NRCAM: variants seen among roughly 807,000 people sequenced by gnomAD.
NRCAM encodes the protein NgCAM-related cell adhesion molecule.
Under a neutral mutation model 156.5 loss-of-function variants are expected in NRCAM, and 83 were observed. The ratio of observed to expected loss-of-function variants is 0.53; its 90% CI spans 0.44 to 0.64. NRCAM has a LOEUF of 0.64. Ranked by LOEUF, NRCAM falls within the 30% of genes least tolerant of loss-of-function variation. The pLI, the probability that NRCAM is intolerant of heterozygous loss-of-function variation, is 0.00. For synonymous variants in NRCAM, 538 were observed against 563.9 expected (o/e 0.95, Z 0.65); for missense variants, 1,417 against 1,597.3 (o/e 0.89, Z 1.92).
At chr7:108,294,033 T>C (rs941302088) in intron 3 of NRCAM, among the ~76,000 whole-genome samples, 2 of 152,086 alleles carry the variant, frequency 1.3e-5, no homozygotes, top group Admixed American at 1.3e-4. Context: ...GTTCTGCTAA[T>C]TGGAGGTACT....
intron 32 of NRCAM, chr7:108,156,608 G>A (rs2045637808): frequency 6.4e-6 from 1 of 156,382 alleles, no homozygotes; most frequent in Admixed American, 6.6e-5. Flanking sequence ...ATATCATCTG[G>A]CTTAGAGCCA....
chr7:108,330,383 G>A (rs1274226708), intron 2 of NRCAM, among the ~76,000 whole-genome samples: 5 of 152,128 alleles, frequency 3.3e-5, no homozygotes, highest in Admixed American at 6.6e-5. Context: ...GAGGAGAGAC[G>A]AGTCTTGATT....
chr7:108,223,628 A>G, intron 11 of NRCAM, 97 bp downstream of exon 11: 2 of 551,400 alleles, frequency 3.6e-6, no homozygotes, highest in Admixed American at 3.4e-5. Context: ...GAATTAGTAG[A>G]AGACAATGAC....
At chr7:108,299,130 G>A (rs1015450532) in intron 3 of NRCAM, among the ~76,000 whole-genome samples, 18 of 77,130 alleles carry the variant, frequency 2.3e-4, no homozygotes, top group Middle Eastern at 6.3e-3. Flanking sequence ...AAGAAAGAAA[G>A]AAAGAAAGAA....
At chr7:108,366,758 G>A (rs1404701691) in intron 2 of NRCAM, among the ~76,000 whole-genome samples, 11 of 152,180 alleles carry the variant, frequency 7.2e-5, no homozygotes, top group Non-Finnish European at 5.9e-5. Flanking sequence ...CAAGCTAATT[G>A]TCCAAGATTG....
chr7:108,234,382 G>A (rs897709942), intron 6 of NRCAM, among the ~76,000 whole-genome samples: 38 of 150,742 alleles, frequency 2.5e-4, no homozygotes, highest in African/African-American at 9.2e-4. Context: ...GTTACCTTCA[G>A]TATCTTTGAA....
chr7:108,307,877 C>T (rs2154172465), intron 3 of NRCAM, among the ~76,000 whole-genome samples: 1 of 152,222 alleles, frequency 6.6e-6, no homozygotes, highest in East Asian at 1.9e-4. Context: ...TGGCCAGATG[C>T]TGGAAGGAAG....
At chr7:108,218,102 C>G (rs1192850447) in intron 11 of NRCAM, among the ~76,000 whole-genome samples, 1 of 150,750 alleles carries the variant, frequency 6.6e-6, no homozygotes, top group Non-Finnish European at 1.5e-5. Context: ...ATGGGCAAAG[C>G]ATACTATCTG....
intron 3 of NRCAM, among the ~76,000 whole-genome samples, chr7:108,258,396 A>G (rs976681201): frequency 1.3e-5 from 2 of 151,506 alleles, no homozygotes; most frequent in Admixed American, 1.3e-4. Flanking sequence ...GCCACCCTTC[A>G]TTTTTCTGAC....
intron 2 of NRCAM, among the ~76,000 whole-genome samples, chr7:108,370,932 T>C (rs1345775089): frequency 6.6e-6 from 1 of 152,174 alleles, no homozygotes; most frequent in Non-Finnish European, 1.5e-5. Flanking sequence ...CCTCCAAAAT[T>C]TGCTCATTTT....
At chr7:108,283,379 A>G (rs1303043118) in intron 3 of NRCAM, among the ~76,000 whole-genome samples, 1 of 152,236 alleles carries the variant, frequency 6.6e-6, no homozygotes, top group Non-Finnish European at 1.5e-5. Context: ...ACAGAGATGT[A>G]CAGAAAAATT....
At chr7:108,273,352 A>T (rs2097449002) in intron 3 of NRCAM, among the ~76,000 whole-genome samples, 1 of 152,202 alleles carries the variant, frequency 6.6e-6, no homozygotes, top group Non-Finnish European at 1.5e-5. Flanking sequence ...GAACTAGTTT[A>T]CAGTCCCACC....
rs186567543 is a variant in NRCAM, at chr7:108,433,056, T to C, written c.-332+23187A>G. Among the ~76,000 whole-genome samples, 4 of 152,234 alleles carry C rather than the reference T, an allele frequency of 2.6e-5. No homozygotes were observed. In the East Asian group the frequency reaches 7.7e-4, roughly 29 times the overall value. On this transcript the variant is annotated intron_variant, in intron 1 of 32. Coordinates refer to ENST00000379028, the MANE Select transcript of NRCAM (RefSeq NM_001037132.4). The stretch of plus-strand genomic sequence containing the variant: ...AATTTCAACCAAACGTTTCCTGAAG[T>C]ACCCATAAGCAGGCCTAATCATACT...
intron 2 of NRCAM, among the ~76,000 whole-genome samples, chr7:108,385,910 G>A (rs201570091): frequency 2.9e-5 from 2 of 69,478 alleles, no homozygotes; most frequent in Non-Finnish European, 3.7e-5. Flanking sequence ...GGAGAGAGAG[G>A]GAGGGAGGGA....
At chr7:108,323,951 G>A (rs1019398589) in intron 2 of NRCAM, among the ~76,000 whole-genome samples, 4 of 152,222 alleles carry the variant, frequency 2.6e-5, no homozygotes, top group East Asian at 1.9e-4. Context: ...AGGCCCTGAG[G>A]TTGGAATCTC....
At chr7:108,300,596 A>G (rs1029571108) in intron 3 of NRCAM, among the ~76,000 whole-genome samples, 1 of 152,172 alleles carries the variant, frequency 6.6e-6, no homozygotes, top group Non-Finnish European at 1.5e-5. Flanking sequence ...AAAATGTCAC[A>G]TGTCTATCCT....
intron 3 of NRCAM, among the ~76,000 whole-genome samples, chr7:108,268,635 T>TGGGGGGGGGGG (rs1563033340): frequency 2.7e-5 from 1 of 37,622 alleles, no homozygotes; most frequent in African/African-American, 1.4e-4. Context: ...TGGGGGGGGG[T>TGGGGGGGGGGG]TGGGGGGGGC....
chr7:108,313,477 G>A (rs760442729), intron 2 of NRCAM, among the ~76,000 whole-genome samples: 3 of 152,142 alleles, frequency 2.0e-5, no homozygotes, highest in African/African-American at 4.8e-5. Context: ...ATCAACCTCT[G>A]AAAAACCCTT....
At chr7:108,451,997 A>C (rs1344137911) in intron 1 of NRCAM, among the ~76,000 whole-genome samples, 1 of 152,260 alleles carries the variant, frequency 6.6e-6, no homozygotes, top group African/African-American at 2.4e-5. Context: ...ACATTTTTTA[A>C]ATAAACATAT....
Sources: gnomAD v4.1 joint callset for allele counts (sites outside exome capture counted in the v4.1 genomes callset) on GRCh38, gnomAD v4.1.1 for gene constraint, MANE v1.5 for transcripts, NCBI Gene and HGNC (gene_info 2026-07-23, HGNC 2026-07-21) for gene names.